The following DHX32 variants were observed in gnomAD, a reference collection of about 807,000 sequenced individuals.
DHX32 encodes the protein putative pre-mRNA-splicing factor ATP-dependent RNA helicase DHX32.
DHX32 carries 51 observed loss-of-function variants against 70.0 expected under a neutral mutation model. The observed-to-expected ratio is 0.73, with a 90% CI of 0.58 to 0.92. The LOEUF (loss-of-function observed/expected upper bound fraction) is 0.92, where lower values mean the gene tolerates loss of function less well. Among genes scored for constraint, DHX32 ranks in the 40% least tolerant of loss-of-function variants. DHX32 has a pLI of 0.00. For synonymous variants in DHX32, 310 were observed against 315.3 expected (o/e 0.98, Z 0.18); for missense variants, 762 against 891.8 (o/e 0.85, Z 1.85).
chr10:125,842,231 C>T (rs1854902372), intron 6 of DHX32: 1 of 330,372 alleles, frequency 3.0e-6, no homozygotes, highest in Non-Finnish European at 5.5e-6. Context: ...AAAACAATGC[C>T]AGGGATCCAG....
upstream of DHX32, among the ~76,000 whole-genome samples, chr10:125,883,715 A>G (rs1314824804): frequency 6.6e-6 from 1 of 152,232 alleles, no homozygotes; most frequent in East Asian, 1.9e-4. Context: ...AGAAACAGAT[A>G]ACCAGACTTC....
chr10:125,846,200 A>G (rs1274533430), intron 6 of DHX32, among the ~76,000 whole-genome samples: 1 of 152,224 alleles, frequency 6.6e-6, no homozygotes, highest in Non-Finnish European at 1.5e-5. Context: ...TCTTACAGCC[A>G]GGAAGCTGGC....
At chr10:125,839,509 A>G (rs1854809458) in intron 8 of DHX32, among the ~76,000 whole-genome samples, 1 of 152,252 alleles carries the variant, frequency 6.6e-6, no homozygotes, top group Non-Finnish European at 1.5e-5. Context: ...CATAAAGGCC[A>G]GAGAGGATTT....
intron 2 of DHX32, among the ~76,000 whole-genome samples, chr10:125,863,981 T>C (rs879671578): frequency 2.3e-4 from 35 of 152,226 alleles, no homozygotes; most frequent in Non-Finnish European, 2.5e-4. Flanking sequence ...ATTTTTCAGA[T>C]GAGGCAACTT....
At chr10:125,865,876 T>C (rs1011166513) in intron 2 of DHX32, among the ~76,000 whole-genome samples, 6 of 152,174 alleles carry the variant, frequency 3.9e-5, no homozygotes, top group Admixed American at 3.3e-4. Context: ...AGTGCAGTGC[T>C]AGCTGGGACA....
chr10:125,859,461 C>A (rs1944171122), intron 3 of DHX32, 142 bp downstream of exon 3: 1 of 908,506 alleles, frequency 1.1e-6, no homozygotes, highest in African/African-American at 1.7e-5. Context: ...GTTCTCCTTT[C>A]AGCACAGGTT....
intron 1 of DHX32, among the ~76,000 whole-genome samples, chr10:125,870,945 A>T (rs569717452): frequency 6.6e-6 from 1 of 152,388 alleles, no homozygotes; most frequent in South Asian, 2.1e-4. Flanking sequence ...CATAGCTAGA[A>T]TCGTTGCTGA....
At position 125,840,852 on chromosome 10, in the gene DHX32, C is replaced by T. The variant is rs1854857058; in HGVS notation, c.1688G>A (p.Ser563Asn). The T allele has an allele frequency of 1.3e-6, 2 of 1,590,164 alleles. No individual in the cohort carries two copies. The highest frequency in any genetic ancestry group is 2.7e-5 in the African/African-American group (2 of 74,318). Residue 563 changes from serine to asparagine, a missense_variant, in exon 8 of 11, where the codon AGT becomes AAT. By Grantham distance (46) the Ser-to-Asn change is conservative (BLOSUM62 1). Coordinates refer to ENST00000284690, the MANE Select transcript of DHX32 (RefSeq NM_018180.3). ...GTTTCTGAGCATTCACTTACACTCACTGCTAGAATTCAGAGTTGTGTCTTG... is the reference window on the plus strand; with the variant it reads ...GTTTCTGAGCATTCACTTACACTCATTGCTAGAATTCAGAGTTGTGTCTTG... ...AYQDTTLNSSSEYCVEKWCRD... is the reference protein window; with the variant it reads ...AYQDTTLNSSNEYCVEKWCRD...
chr10:125,838,929 A>G, intron 9 of DHX32, 72 bp downstream of exon 9: 2 of 1,457,360 alleles, frequency 1.4e-6, no homozygotes, highest in Non-Finnish European at 1.9e-6. Context: ...ATCCTAAGCC[A>G]TTGTTGGCAG....
chr10:125,845,796 C>T (rs1259909149), intron 6 of DHX32, among the ~76,000 whole-genome samples: 1 of 152,250 alleles, frequency 6.6e-6, no homozygotes, highest in Non-Finnish European at 1.5e-5. Flanking sequence ...TGGCAGTATC[C>T]CCACTGCCCT....
At chr10:125,892,185 C>T (rs1176992215) in intron 1 of DHX32, among the ~76,000 whole-genome samples, 1 of 152,240 alleles carries the variant, frequency 6.6e-6, no homozygotes, top group Non-Finnish European at 1.5e-5. Context: ...CCTGGCTTCT[C>T]CTTCCTCATC....
chr10:125,873,942 A>C (rs1236805182), intron 1 of DHX32, among the ~76,000 whole-genome samples: 2 of 152,226 alleles, frequency 1.3e-5, no homozygotes, highest in Non-Finnish European at 2.9e-5. Flanking sequence ...ATATCTTTTC[A>C]TATCTTTTTC....
intron 1 of DHX32, among the ~76,000 whole-genome samples, chr10:125,877,897 T>G (rs1348551313): frequency 6.6e-6 from 1 of 152,226 alleles, no homozygotes; most frequent in African/African-American, 2.4e-5. Context: ...TATTAGAGCA[T>G]AGTCTATTCT....
At chr10:125,850,243 G>A (rs1013453495) in intron 6 of DHX32, among the ~76,000 whole-genome samples, 1 of 151,362 alleles carries the variant, frequency 6.6e-6, no homozygotes, top group African/African-American at 2.4e-5. Context: ...CTCCCAAGGT[G>A]CCAGGATTAC....
intron 6 of DHX32, among the ~76,000 whole-genome samples, chr10:125,844,592 A>G (rs989070705): frequency 6.6e-6 from 1 of 152,254 alleles, no homozygotes; most frequent in African/African-American, 2.4e-5. Context: ...ATAACTAAAT[A>G]GGATTTGCTA....
chr10:125,864,542 C>G (rs1196171865), intron 2 of DHX32, among the ~76,000 whole-genome samples: 2 of 152,106 alleles, frequency 1.3e-5, no homozygotes, highest in Non-Finnish European at 2.9e-5. Flanking sequence ...CAATCCTAAG[C>G]CTAACATGTG....
chr10:125,839,454 CTG>C (rs763301794), intron 8 of DHX32, among the ~76,000 whole-genome samples: 156 of 152,346 alleles, frequency 1.0e-3, no homozygotes, highest in Admixed American at 3.7e-3. Flanking sequence ...ACTGTGGAAA[CTG>C]TTCCTAGTGG....
intron 7 of DHX32, chr10:125,841,274 T>G: frequency 6.2e-7 from 1 of 1,614,118 alleles, no homozygotes; most frequent in Non-Finnish European, 8.5e-7. Context: ...AAACCTGAGG[T>G]GCTTGGAGGT....
rs552754249 is a variant in DHX32 at position 125,880,713 on chromosome 10, A to T, written c.112T>A (p.Leu38Met). 1 of 1,614,222 alleles carries T rather than the reference A, an allele frequency of 6.2e-7. No homozygotes were observed. Among genetic ancestry groups the T allele is most frequent in the Non-Finnish European group, 8.5e-7 (1 of 1,180,032 alleles). ...DEEEVLACED[L>M]ELNPFDGLPY... Reference sequence around the variant, plus strand: ...AATCCATCAAAGGGGTTAAGTTCCAAATCCTCACAGGCCAAAACCTCTTCC... The same window carrying T: ...AATCCATCAAAGGGGTTAAGTTCCATATCCTCACAGGCCAAAACCTCTTCC... The change falls in exon 1 of 11, where the codon TTG (leucine) becomes ATG (methionine). Residue 38 changes from leucine to methionine, a missense_variant. Physicochemically the swap from Leu to Met is conservative, Grantham distance 15. This residue lies in a region of DHX32 where 394 missense variants were observed against 473.1 expected (regional missense o/e 0.83). Transcript: ENST00000284690.
Sources: gnomAD v4.1 joint callset for allele counts (sites outside exome capture counted in the v4.1 genomes callset) on GRCh38, gnomAD v4.1.1 for gene constraint, gnomAD v4.1.1 regional missense constraint, MANE v1.5 for transcripts, NCBI Gene and HGNC (gene_info 2026-07-23, HGNC 2026-07-21) for gene names.